The following EOMES variants were observed in gnomAD, a reference collection of about 807,000 sequenced individuals.
The protein encoded by EOMES is eomesodermin, also known as eomesodermin homolog.
A neutral mutation model predicts 61.0 loss-of-function variants in EOMES; 18 were observed. The observed-to-expected ratio is 0.30, with a 90% confidence interval of 0.20 to 0.44. EOMES has a LOEUF of 0.44. EOMES is among the 20% of genes least tolerant of loss of function. The pLI, the probability that EOMES is intolerant of heterozygous loss-of-function variation, is 1.00. For missense variants in EOMES, 885 were observed against 939.2 expected, an observed-to-expected ratio of 0.94 and a Z score of 0.75; for synonymous variants, 430 against 394.0, an observed-to-expected ratio of 1.09 and a Z score of -1.08.
rs1559927068 is a variant in EOMES, at chr3:27,719,429, C to T, written c.1089G>A (p.Met363Ile). ...ATTTCCCGAATGAAATCTCCTGTCT[C>T]ATCCAGTGGGAACCAGTATTAGGAG... ...PESPNTGSHW[M>I]RQEISFGKLK... is the part of the protein sequence containing the mutation. Residue 363 changes from methionine to isoleucine, a missense_variant, in exon 3 of 6, where the codon ATG (methionine) becomes ATA (isoleucine). Coordinates refer to ENST00000449599, the MANE Select transcript of EOMES (RefSeq NM_001278182.2). 2.5e-6 allele frequency: 4 copies of T among 1,613,152 alleles called. No homozygotes were observed. The highest frequency in any genetic ancestry group is 1.7e-5 in the Admixed American group (1 of 60,018).
rs561414198 is a variant in EOMES, at chr3:27,717,952, G to C, written c.1380-144C>G. 3 of 626,434 alleles carry C rather than the reference G, an allele frequency of 4.8e-6. No individual in the cohort carries two copies. The highest frequency in any genetic ancestry group is 7.9e-6 in the Non-Finnish European group (3 of 379,574). The allele number at this position is 626,434 out of a possible 1,614,324, so 38.8% of individuals were successfully genotyped here. On this transcript the variant is annotated intron_variant, in intron 5 of 5. Transcript: ENST00000449599. This position sits in a 1 kb window ranked among gnomAD's most constrained non-coding sequence, Gnocchi z 4.5. ...TGTTGGGCTGAAAGAACAGAGGCAG[G>C]AGATGCACTGGCCCATTTTAGCTGG...
Position 27,717,445 on chromosome 3 carries a change from C to T in EOMES, c.1743G>A (p.Gly581=). Residue 581 remains glycine, a synonymous_variant, in exon 6 of 6, where the codon GGG becomes GGA. Transcript: ENST00000449599. The surrounding 1 kb of genome is among the most constrained non-coding windows in gnomAD (Gnocchi z 4.5). ...SLPLQTSHAL[G]YYPDPTFPAM... ...CAGGAAAGGTTGGGTCTGGGTAATA[C>T]CCCAGGGCATGGGATGTCTGAAGGG... 6.2e-7 allele frequency: 1 copy of T among 1,614,188 alleles called. No individual in the cohort carries two copies. The highest frequency in any genetic ancestry group is 2.2e-5 in the East Asian group (1 of 44,886).
At chr3:27,718,104 C>G (rs545209622) in intron 5 of EOMES, among the ~76,000 whole-genome samples, 1 of 152,118 alleles carries the variant, frequency 6.6e-6, no homozygotes, top group Admixed American at 6.5e-5. Flanking sequence ...GATCAAACCT[C>G]CTTTGTCAAT....
chr3:27,720,630 C>T (rs1469877393), intron 1 of EOMES, among the ~76,000 whole-genome samples: 1 of 148,720 alleles, frequency 6.7e-6, no homozygotes, highest in Non-Finnish European at 1.5e-5. Flanking sequence ...CTCATATTCT[C>T]GGCCCTTTCA....
chr3:27,716,823 T>C lies in EOMES; in HGVS notation c.*247A>G, dbSNP rs1384478469. 2 of 473,714 alleles carry C rather than the reference T, an allele frequency of 4.2e-6. No individual in the cohort carries two copies. The highest frequency in any genetic ancestry group is 7.4e-6 in the Non-Finnish European group (2 of 270,362). 29.3% of individuals were successfully genotyped at this position (473,714 alleles called of 1,614,324 possible). On this transcript the variant is annotated 3_prime_UTR_variant, in exon 6 of 6. Transcript: ENST00000449599. ...CAATAAATAAATACAGAACCTTGGA[T>C]ACCCTTCGAATTTTAAAATACCTTA...
rs998872099 is a variant in EOMES at position 27,717,365 on chromosome 3, A to G, written c.1823T>C (p.Leu608Pro). ...GSYQRKMAAG[L>P]PWTSRTSPTV... Reference sequence around the variant, plus strand: ...GGGGCTTGTTCTGGAGGTCCATGGTAGTCCAGCTGCCATCTTCCTCTGGTA... The same window carrying G: ...GGGGCTTGTTCTGGAGGTCCATGGTGGTCCAGCTGCCATCTTCCTCTGGTA... The change falls in exon 6 of 6, where the codon CTA becomes CCA. Residue 608 changes from leucine (L) to proline (P), a missense_variant. This residue lies in a region of EOMES where 259 missense variants were observed against 282.3 expected (regional missense o/e 0.92). Coordinates refer to ENST00000449599, the MANE Select transcript of EOMES (RefSeq NM_001278182.2). The surrounding 1 kb of genome is among the most constrained non-coding windows in gnomAD (Gnocchi z 4.5). 39 of 1,614,196 alleles carry G rather than the reference A, an allele frequency of 2.4e-5. No individual in the cohort carries two copies. Among genetic ancestry groups the G allele is most frequent in the Non-Finnish European group, 3.2e-5 (38 of 1,180,026 alleles).
Position 27,717,605 on chromosome 3 carries a change from T to G in EOMES, c.1583A>C (p.Glu528Ala). Residue 528 changes from glutamate to alanine, a missense_variant, in exon 6 of 6, where the codon GAA (glutamate) becomes GCA (alanine). By Grantham distance (107) the Glu-to-Ala change is moderately radical. Around this residue, in one of 3 missense-constraint regions of EOMES, gnomAD observed 259 missense variants for 282.3 expected, o/e 0.92. Transcript: ENST00000449599. The surrounding 1 kb of genome is among the most constrained non-coding windows in gnomAD (Gnocchi z 4.5). The part of the protein sequence containing the change: ...TNGLLSPQQS[E>A]EVANPPQRWL... Reference sequence around the variant, plus strand: ...CCGCTGGGGAGGGTTGGCCACCTCTTCGCTCTGTTGGGGTGAAAGGAGGCC... The same window carrying G: ...CCGCTGGGGAGGGTTGGCCACCTCTGCGCTCTGTTGGGGTGAAAGGAGGCC... 7 of 1,614,142 alleles carry G rather than the reference T, an allele frequency of 4.3e-6. No individual in the cohort carries two copies. The highest frequency in any genetic ancestry group is 5.9e-6 in the Non-Finnish European group (7 of 1,180,022).
Position 27,717,506 on chromosome 3 carries a change from G to T in EOMES, c.1682C>A (p.Ser561Tyr), listed in dbSNP as rs1249582464. 1 of 1,614,178 alleles carries T rather than the reference G, an allele frequency of 6.2e-7. No individual in the cohort carries two copies. The highest frequency in any genetic ancestry group is 2.2e-5 in the East Asian group (1 of 44,880). Residue 561 changes from serine (S) to tyrosine (Y), a missense_variant, in exon 6 of 6, where the codon TCT becomes TAT. By Grantham distance (144) the Ser-to-Tyr change is moderately radical. Coordinates refer to ENST00000449599, the MANE Select transcript of EOMES (RefSeq NM_001278182.2). The surrounding 1 kb of genome is among the most constrained non-coding windows in gnomAD (Gnocchi z 4.5). ...AATGCCATATGGGAGCAATGTGCTA[G>T]AAGTATATTCAGATTCATAGGAACT... ...DISSYESEYT[S>Y]STLLPYGIKS...
Position 27,721,543 on chromosome 3 carries a change from G to A in EOMES, c.752C>T (p.Ser251Phe). The A allele has an allele frequency of 6.2e-7, 1 of 1,607,550 alleles. No homozygotes were observed. Among genetic ancestry groups the A allele is most frequent in the Non-Finnish European group, 8.5e-7 (1 of 1,177,504 alleles). The change falls in exon 1 of 6, where the codon TCT (serine) becomes TTT (phenylalanine). Residue 251 changes from serine (S) to phenylalanine (F), a missense_variant. This residue lies in a region of EOMES where 449 missense variants were observed against 383.6 expected (regional missense o/e 1.17). Coordinates refer to ENST00000449599, the MANE Select transcript of EOMES (RefSeq NM_001278182.2). The surrounding 1 kb of genome is among the most constrained non-coding windows in gnomAD (Gnocchi z 7.4). ...CCCCAGGCCCCCCAGTCCTCCGCAA[G>A]ATCCCGCCGCTGCGGCTCCAGGGTA... The part of the protein sequence containing the change: ...GPYPGAAAAG[S>F]CGGLGGLGVP...
chr3:27,721,712 C>T lies in EOMES; in HGVS notation c.583G>A (p.Gly195Ser). ...GGTGGGCACACAGCCGCGGGGAAGC[C>T]GCCGGGGGGCAGCATGGAGCCGTAG... ...YPYGSMLPPGGFPAAVCPPGR... is the reference protein window; with the variant it reads ...YPYGSMLPPGSFPAAVCPPGR... Residue 195 changes from glycine (G) to serine (S), a missense_variant, in exon 1 of 6, where the codon GGC (glycine) becomes AGC (serine). Coordinates refer to ENST00000449599, the MANE Select transcript of EOMES (RefSeq NM_001278182.2). The surrounding 1 kb of genome is among the most constrained non-coding windows in gnomAD (Gnocchi z 7.4). The T allele has an allele frequency of 6.7e-7, 1 of 1,488,026 alleles. No homozygotes were observed. The highest frequency in any genetic ancestry group is 2.6e-5 in the East Asian group (1 of 38,080). 92.2% of individuals were successfully genotyped at this position (1,488,026 alleles called of 1,614,324 possible).
intron 3 of EOMES, 48 bp from the exon 4 acceptor site, chr3:27,718,941 TG>T: frequency 7.1e-7 from 1 of 1,402,164 alleles, no homozygotes. Context: ...AGCCTCTTAG[TG>T]GTTCAACAAA....
Position 27,721,928 on chromosome 3 carries a change from C to CGGT in EOMES, c.366_367insACC (p.Ala122_Ala123insThr). ...GTGGCCGCAGCCGCGGCGGCGGCGGCGGCGGCGGCTGCAGCGGCGGAGGGC... is the reference window on the plus strand; with the variant it reads ...GTGGCCGCAGCCGCGGCGGCGGCGGCGGTGGCGGCGGCTGCAGCGGCGGAGGGC... On this transcript the variant is annotated inframe_insertion, in exon 1 of 6. Transcript: ENST00000449599. The surrounding 1 kb of genome is among the most constrained non-coding windows in gnomAD (Gnocchi z 7.4). 1.5e-6 allele frequency: 2 copies of CGGT among 1,366,378 alleles called. No individual in the cohort carries two copies. The highest frequency in any genetic ancestry group is 4.1e-5 in the South Asian group (2 of 48,906). The allele number at this position is 1,366,378 out of a possible 1,614,324, so 84.6% of individuals were successfully genotyped here. A position where few individuals can be genotyped will look rare whatever the true frequency, so the allele number is the denominator to read the frequency against.
chr3:27,717,901 G>C lies in EOMES; in HGVS notation c.1380-93C>G. On this transcript the variant is annotated intron_variant, in intron 5 of 5. Coordinates refer to ENST00000449599, the MANE Select transcript of EOMES (RefSeq NM_001278182.2). This position sits in a 1 kb window ranked among gnomAD's most constrained non-coding sequence, Gnocchi z 4.5. ...CCCAGAAATGAAAAAGGCTTGTGTT[G>C]GTTATCTACACCGAAAGTGCTGGTC... The C allele has an allele frequency of 1.1e-6, 1 of 943,500 alleles. No homozygotes were observed. Among genetic ancestry groups the C allele is most frequent in the Non-Finnish European group, 1.5e-6 (1 of 655,734 alleles). 58.4% of individuals were successfully genotyped at this position (943,500 alleles called of 1,614,324 possible).
chr3:27,718,863 G>C lies in EOMES; in HGVS notation c.1189C>G (p.Gln397Glu). The change falls in exon 4 of 6, where the codon CAA (glutamine) becomes GAA (glutamate). Residue 397 changes from glutamine to glutamate, a missense_variant. Around this residue, in one of 3 missense-constraint regions of EOMES, gnomAD observed 177 missense variants for 273.3 expected, o/e 0.65. Coordinates refer to ENST00000449599, the MANE Select transcript of EOMES (RefSeq NM_001278182.2). ...ACTTCAACAATATGCAGTCGGGGTT[G>C]GTATTTGTGTAAGGATTGTAAGACT... ...MIVLQSLHKY[Q>E]PRLHIVEVTE... The C allele has an allele frequency of 8.7e-6, 14 of 1,613,794 alleles. No homozygotes were observed. The highest frequency in any genetic ancestry group is 1.3e-5 in the African/African-American group (1 of 74,986).
In EOMES at chr3:27,716,910, C is replaced by T. The variant is rs997152716; in HGVS notation, c.*160G>A. The T allele has an allele frequency of 5.1e-6, 3 of 589,816 alleles. No homozygotes were observed. The highest frequency in any genetic ancestry group is 3.7e-5 in the African/African-American group (2 of 54,020). The allele number at this position is 589,816 out of a possible 1,614,324, so 36.5% of individuals were successfully genotyped here. A position where few individuals can be genotyped will look rare whatever the true frequency, so the allele number is the denominator to read the frequency against. On this transcript the variant is annotated 3_prime_UTR_variant, in exon 6 of 6. Coordinates refer to ENST00000449599, the MANE Select transcript of EOMES (RefSeq NM_001278182.2). The stretch of plus-strand genomic sequence containing the variant: ...GTTTGTTTCAGTTACCTGCAGCAAT[C>T]AAAAAGCTTTGGCACCTTCTTTTAG...
In EOMES at chr3:27,721,914, C is replaced by CGCA; in HGVS notation, c.380_381insTGC (p.Ala130dup). 1 of 1,152,636 alleles carries CGCA rather than the reference C, an allele frequency of 8.7e-7. No homozygotes were observed. 71.4% of individuals were successfully genotyped at this position (1,152,636 alleles called of 1,614,324 possible). ...TGGAGTAGCGCGCAGTGGCCGCAGC[C>CGCA]GCGGCGGCGGCGGCGGCGGCGGCTG... On this transcript the variant is annotated inframe_insertion, in exon 1 of 6. Transcript: ENST00000449599. This position sits in a 1 kb window ranked among gnomAD's most constrained non-coding sequence, Gnocchi z 7.4.
rs1169751323 is a variant in EOMES, at chr3:27,721,370, A to G, written c.881+44T>C. ...CGGACCTTCCCCAGGACCACACGTC[A>G]CCCTTTATCCCCGAACCCAGGGGCC... On this transcript the variant is annotated intron_variant, in intron 1 of 5. Coordinates refer to ENST00000449599, the MANE Select transcript of EOMES (RefSeq NM_001278182.2). The surrounding 1 kb of genome is among the most constrained non-coding windows in gnomAD (Gnocchi z 7.4). 1.3e-6 allele frequency: 2 copies of G among 1,518,890 alleles called. No homozygotes were observed. The highest frequency in any genetic ancestry group is 9.0e-7 in the Non-Finnish European group (1 of 1,113,206). 94.1% of individuals were successfully genotyped at this position (1,518,890 alleles called of 1,614,324 possible).
rs1342756983 is a variant in EOMES at position 27,722,116 on chromosome 3, G to C, written c.179C>G (p.Ser60Cys). ...KASKKFSGSL[S>C]CEAVSGEPAA... ...GGGCTCCCCGCTCACCGCCTCGCAG[G>C]AGAGACTGCCGGAAAACTTCTTGGA... The change falls in exon 1 of 6, where the codon TCC (serine) becomes TGC (cysteine). Residue 60 changes from serine (S) to cysteine (C), a missense_variant. This residue lies in a region of EOMES where 449 missense variants were observed against 383.6 expected (regional missense o/e 1.17). Transcript: ENST00000449599. 2 of 1,551,268 alleles carry C rather than the reference G, an allele frequency of 1.3e-6. No individual in the cohort carries two copies. Among genetic ancestry groups the C allele is most frequent in the Non-Finnish European group, 8.7e-7 (1 of 1,147,620 alleles).
upstream of EOMES, chr3:27,722,614 A>G (rs370940546): frequency 9.9e-5 from 114 of 1,146,006 alleles, 1 homozygote; most frequent in African/African-American, 7.2e-4. Context: ...ACACGCTGGA[A>G]GAAGGTGACT....
Sources: allele counts gnomAD v4.1 joint callset (sites outside exome capture counted in the v4.1 genomes callset), GRCh38; gene constraint gnomAD v4.1.1; regional missense constraint gnomAD v4.1.1; non-coding constraint Gnocchi (gnomAD v3.1); transcripts MANE v1.5; gene names NCBI Gene and HGNC (gene_info 2026-07-23, HGNC 2026-07-21).